Variants in ASH1L observed in about 807,000 individuals in gnomAD.
ASH1L encodes the protein histone-lysine N-methyltransferase ASH1L.
Under a neutral mutation model 269.0 loss-of-function variants are expected in ASH1L, and 23 were observed. That is an observed-to-expected ratio of 0.09 (90% CI 0.06 to 0.12). ASH1L has a LOEUF of 0.12. Among genes scored for constraint, ASH1L ranks in the 10% least tolerant of loss-of-function variants. The pLI, the probability that ASH1L is intolerant of heterozygous loss-of-function variation, is 1.00. For synonymous variants in ASH1L, 1,187 were observed against 1,253.5 expected (o/e 0.95, Z 1.12); for missense variants, 2,912 against 3,567.8 (o/e 0.82, Z 4.68).
intron 7 of ASH1L, among the ~76,000 whole-genome samples, chr1:155,384,987 T>A (rs1229440592): frequency 2.0e-5 from 3 of 152,158 alleles, no homozygotes; most frequent in Admixed American, 6.6e-5. Flanking sequence ...CGCTGAGTAA[T>A]ATGTATTATT....
At chr1:155,531,349 A>G (rs1483226060) in intron 1 of ASH1L, among the ~76,000 whole-genome samples, 1 of 151,856 alleles carries the variant, frequency 6.6e-6, no homozygotes, top group African/African-American at 2.4e-5. Context: ...GAATTTCAGC[A>G]TTTTTCCAAA....
At chr1:155,493,824 A>T (rs1268724781) in intron 2 of ASH1L, among the ~76,000 whole-genome samples, 1 of 152,200 alleles carries the variant, frequency 6.6e-6, no homozygotes, top group Non-Finnish European at 1.5e-5. Context: ...CAGTGAGCTG[A>T]GATCGTGCCA....
chr1:155,344,315 T>C, intron 21 of ASH1L, 42 bp from the exon 22 acceptor site: 1 of 1,427,188 alleles, frequency 7.0e-7, no homozygotes, highest in Non-Finnish European at 9.9e-7. Context: ...CTGGAATTAC[T>C]ACATTCAGCC....
chr1:155,550,443 T>C (rs1671119416), intron 1 of ASH1L, among the ~76,000 whole-genome samples: 1 of 152,212 alleles, frequency 6.6e-6, no homozygotes, highest in Non-Finnish European at 1.5e-5. Context: ...TATCAAGTCT[T>C]TAAGTCCCTA....
intron 1 of ASH1L, among the ~76,000 whole-genome samples, chr1:155,526,451 G>A (rs1669261513): frequency 6.6e-6 from 1 of 152,040 alleles, no homozygotes; most frequent in Admixed American, 6.6e-5. Flanking sequence ...TACATCTTCT[G>A]TCTCTGTACC....
At chr1:155,529,041 T>TG (rs1372562739) in intron 1 of ASH1L, among the ~76,000 whole-genome samples, 2 of 152,212 alleles carry the variant, frequency 1.3e-5, no homozygotes, top group Admixed American at 6.5e-5. Context: ...CATTTTTTTT[T>TG]TGTGGCTCCA....
intron 20 of ASH1L, 21 bp from the exon 21 acceptor site, chr1:155,346,490 T>C (rs1429499679): frequency 3.7e-6 from 6 of 1,603,494 alleles, no homozygotes; most frequent in Non-Finnish European, 5.1e-6. Context: ...ACATACAGTT[T>C]GGGGAACATG....
chr1:155,438,702 G>A lies in ASH1L; in HGVS notation c.5453C>T (p.Ala1818Val), dbSNP rs144516535. Residue 1818 changes from alanine to valine, a missense_variant, in exon 5 of 28, where the codon GCC becomes GTC. Physicochemically the swap from Ala to Val is moderately conservative, Grantham distance 64 (BLOSUM62 0). Coordinates refer to ENST00000392403, the MANE Select transcript of ASH1L (RefSeq NM_018489.3). Reference protein sequence around the residue: ...RKMCNYDKILATKKNLDHVNK... With the variant: ...RKMCNYDKILVTKKNLDHVNK... ...GACATGGTCTAGGTTTTTCTTTGTG[G>A]CCAAGATTTTGTCGTAATTGCACAT... 5.0e-5 allele frequency: 80 copies of A among 1,613,862 alleles called. No individual in the cohort carries two copies. Among genetic ancestry groups the A allele is most frequent in the Non-Finnish European group, 5.9e-6 (7 of 1,180,010 alleles).
In ASH1L at chr1:155,347,610, C is replaced by T. The variant is rs778783801; in HGVS notation, c.7803+46G>A. On this transcript the variant is annotated intron_variant, in intron 20 of 27. Coordinates refer to ENST00000392403, the MANE Select transcript of ASH1L (RefSeq NM_018489.3). ...TGGGCTTCTTCTTTGAATATGGTCA[C>T]CGTGTTCATCAGGACCAAGCTTCTG... 24 of 1,606,672 alleles carry T rather than the reference C, an allele frequency of 1.5e-5. 1 individual carries two copies. In the East Asian group the frequency reaches 5.4e-4, roughly 36 times the overall value.
Position 155,378,389 on chromosome 1 carries a change from T to A in ASH1L, c.6224A>T (p.Asn2075Ile), listed in dbSNP as rs775913213. 6.2e-7 allele frequency: 1 copy of A among 1,613,746 alleles called. No individual in the cohort carries two copies. Among genetic ancestry groups the A allele is most frequent in the Non-Finnish European group, 8.5e-7 (1 of 1,179,638 alleles). The change falls in exon 10 of 28, where the codon AAT (asparagine) becomes ATT (isoleucine). Residue 2075 changes from asparagine (N) to isoleucine (I), a missense_variant and splice_region_variant. Transcript: ENST00000392403. ...DVPLYKKIRS[N>I]VYVDVKPLSG... ...AAGGGGTTTGACATCAACGTAGACA[T>A]CTTGAAAAGAAAGCAAAGAATAGTT...
At chr1:155,482,572 A>T (rs1317471995) in intron 2 of ASH1L, 123 bp from the exon 3 acceptor site, 5 of 984,314 alleles carry the variant, frequency 5.1e-6, no homozygotes, top group Non-Finnish European at 7.5e-6. Context: ...AGTGGTTTTT[A>T]AAAAACCTAA....
intron 2 of ASH1L, among the ~76,000 whole-genome samples, chr1:155,496,452 C>T (rs1000058487): frequency 2.0e-5 from 3 of 152,268 alleles, no homozygotes; most frequent in East Asian, 1.9e-4. Context: ...AAGACATGCA[C>T]TCATGAAGTT....
rs1459855983 is a variant in ASH1L at position 155,481,421 on chromosome 1, T to C, written c.1449A>G (p.Val483=). 7 of 1,614,096 alleles carry C rather than the reference T, an allele frequency of 4.3e-6. No individual in the cohort carries two copies. The highest frequency in any genetic ancestry group is 1.7e-5 in the Admixed American group (1 of 60,008). The change falls in exon 3 of 28, where the codon GTA becomes GTG. Residue 483 remains valine, a synonymous_variant. Transcript: ENST00000392403. ...TCTCCAAATTAATGATTTCTTTTCGTACTGAGAACTTTTCCAATATGCTTT... is the reference window on the plus strand; with the variant it reads ...TCTCCAAATTAATGATTTCTTTTCGCACTGAGAACTTTTCCAATATGCTTT... ...NKESILEKFS[V]RKEIINLEKE...
At chr1:155,521,960 G>T (rs1037522141) in intron 1 of ASH1L, among the ~76,000 whole-genome samples, 2 of 152,080 alleles carry the variant, frequency 1.3e-5, no homozygotes, top group Non-Finnish European at 2.9e-5. Context: ...AGTTTTAAAA[G>T]AATATATTCC....
intron 2 of ASH1L, among the ~76,000 whole-genome samples, chr1:155,483,628 A>G (rs1345804321): frequency 6.6e-6 from 1 of 152,122 alleles, no homozygotes; most frequent in Non-Finnish European, 1.5e-5. Context: ...TTGACCCAGA[A>G]ATCCTACTTT....
intron 3 of ASH1L, among the ~76,000 whole-genome samples, chr1:155,474,891 T>C (rs1398586534): frequency 6.6e-6 from 1 of 152,246 alleles, no homozygotes; most frequent in African/African-American, 2.4e-5. Context: ...AAATTATTTT[T>C]ATCCTCTCCA....
intron 12 of ASH1L, among the ~76,000 whole-genome samples, chr1:155,366,854 T>G (rs1347902431): frequency 6.6e-6 from 1 of 152,080 alleles, no homozygotes; most frequent in South Asian, 2.1e-4. Context: ...GTATTTTAAG[T>G]AGAGACAGGG....
chr1:155,562,959 G>A (rs1220683553), upstream of ASH1L: 3 of 457,404 alleles, frequency 6.6e-6, no homozygotes, highest in African/African-American at 2.0e-5. Context: ...CCGCGGGACT[G>A]TTCCATTCCT....
At chr1:155,562,083 C>T (rs761179483) in intron 1 of ASH1L, 70 bp downstream of exon 1, 1 of 1,064,976 alleles carries the variant, frequency 9.4e-7, no homozygotes, top group East Asian at 2.5e-5. Context: ...CAGTGGCTCC[C>T]AGAAAGCCCA....
Sources: gnomAD v4.1 joint callset for allele counts (sites outside exome capture counted in the v4.1 genomes callset) on GRCh38, gnomAD v4.1.1 for gene constraint, MANE v1.5 for transcripts, NCBI Gene and HGNC (gene_info 2026-07-23, HGNC 2026-07-21) for gene names.